TCF12: variants seen among roughly 807,000 people sequenced by gnomAD.
The protein encoded by TCF12 is transcription factor 12.
TCF12 carries 45 observed loss-of-function variants against 86.0 expected under a neutral mutation model. The ratio of observed to expected loss-of-function variants is 0.52; its 90% CI spans 0.41 to 0.67. The LOEUF (loss-of-function observed/expected upper bound fraction) is 0.67, where lower values mean the gene tolerates loss of function less well. Among genes scored for constraint, TCF12 ranks in the 30% least tolerant of loss-of-function variants. The pLI is 0.00. For synonymous variants in TCF12, 330 were observed against 299.6 expected, an observed-to-expected ratio of 1.10 and a Z score of -1.05; for missense variants, 881 against 859.9, an observed-to-expected ratio of 1.02 and a Z score of -0.31.
chr15:57,278,536 TAA>T (rs34981887), intron 19 of TCF12: 22 of 157,164 alleles, frequency 1.4e-4, no homozygotes, highest in South Asian at 3.7e-4. Context: ...GCAATCACTG[TAA>T]AAAAAAAAAT....
chr15:57,133,292 GC>G (rs1438856254), intron 5 of TCF12, among the ~76,000 whole-genome samples: 1 of 152,234 alleles, frequency 6.6e-6, no homozygotes, highest in East Asian at 1.9e-4. Flanking sequence ...TGCTTAGCCT[GC>G]CGTGTAAAGT....
intron 3 of TCF12, among the ~76,000 whole-genome samples, chr15:56,962,607 C>T (rs1055650676): frequency 2.0e-5 from 3 of 152,126 alleles, no homozygotes; most frequent in African/African-American, 2.4e-5. Context: ...CCCAGACCAC[C>T]ACAGTTCAAA....
At chr15:57,001,010 A>T (rs950566521) in intron 3 of TCF12, among the ~76,000 whole-genome samples, 8 of 135,790 alleles carry the variant, frequency 5.9e-5, no homozygotes, top group Non-Finnish European at 9.9e-5. Flanking sequence ...AATTTAAAAA[A>T]AATTTTTTTT....
intron 3 of TCF12, among the ~76,000 whole-genome samples, chr15:56,943,156 A>C (rs192170582): frequency 1.0e-3 from 155 of 152,288 alleles, no homozygotes; most frequent in South Asian, 2.5e-3. Context: ...TATTTTTTAC[A>C]CAATAGGGAA....
chr15:57,218,936 T>C (rs2058450075), intron 8 of TCF12: 1 of 694,440 alleles, frequency 1.4e-6, no homozygotes, highest in African/African-American at 1.9e-5. Context: ...CTCCAGGAAG[T>C]GATTTTGTAC....
chr15:57,247,480 A>C, intron 13 of TCF12: 1 of 740,598 alleles, frequency 1.4e-6, no homozygotes. Flanking sequence ...GCCCATTAAT[A>C]GTGTGGCATT....
At position 57,266,524 on chromosome 15, in the gene TCF12, G is replaced by C. The variant is rs1388506934; in HGVS notation, c.1745+3250G>C. ...TCAGAGCTGAAAATATTTACCATCT[G>C]GTCCTTCAGAAAAAATGTTTCTTTT... On this transcript the variant is annotated intron_variant, in intron 18 of 20. Coordinates refer to ENST00000333725, the MANE Select transcript of TCF12 (RefSeq NM_207037.2). Among the ~76,000 whole-genome samples, 5 of 151,910 alleles carry C rather than the reference G, an allele frequency of 3.3e-5. No homozygotes were observed. In the East Asian group the frequency reaches 9.6e-4, roughly 29 times the overall value.
chr15:57,107,389 G>A (rs1363047209), intron 5 of TCF12, among the ~76,000 whole-genome samples: 1 of 152,096 alleles, frequency 6.6e-6, no homozygotes, highest in Non-Finnish European at 1.5e-5. Context: ...CAAAACAATG[G>A]AGACAGTAAA....
chr15:57,041,662 T>C (rs919543448), intron 3 of TCF12, among the ~76,000 whole-genome samples: 1 of 152,164 alleles, frequency 6.6e-6, no homozygotes, highest in African/African-American at 2.4e-5. Context: ...TTTGCTAGTT[T>C]GCAGGCATCT....
intron 3 of TCF12, among the ~76,000 whole-genome samples, chr15:56,991,001 G>T (rs139487975): frequency 6.6e-6 from 1 of 152,082 alleles, no homozygotes; most frequent in African/African-American, 2.4e-5. Flanking sequence ...TCACCATGTT[G>T]CCCAGGCTGC....
intron 5 of TCF12, among the ~76,000 whole-genome samples, chr15:57,132,166 G>A (rs2703619): frequency 0.023 from 3,499 of 152,072 alleles, 133 homozygotes; most frequent in African/African-American, 0.08. Context: ...AAACAAAACA[G>A]TGTATAATAA....
At chr15:56,986,713 C>A (rs1419548162) in intron 3 of TCF12, among the ~76,000 whole-genome samples, 1 of 152,094 alleles carries the variant, frequency 6.6e-6, no homozygotes, top group South Asian at 2.1e-4. Flanking sequence ...CTTTTAAACA[C>A]AATTTACTAA....
intron 3 of TCF12, among the ~76,000 whole-genome samples, chr15:56,992,780 T>A (rs925395305): frequency 5.3e-5 from 8 of 152,222 alleles, no homozygotes; most frequent in African/African-American, 1.9e-4. Flanking sequence ...TGTGAATTAG[T>A]GCAATTTTGG....
chr15:57,035,916 T>C (rs1454503198), intron 3 of TCF12, among the ~76,000 whole-genome samples: 5 of 152,152 alleles, frequency 3.3e-5, no homozygotes, highest in African/African-American at 1.2e-4. Flanking sequence ...AGCAGCGGCA[T>C]TAGATTCTCA....
chr15:56,920,575 AT>A (rs1239940947), intron 2 of TCF12, among the ~76,000 whole-genome samples: 1 of 151,678 alleles, frequency 6.6e-6, no homozygotes, highest in African/African-American at 2.4e-5. Context: ...CACTGCTTTT[AT>A]TTTTAATGGG....
At chr15:57,007,657 G>A (rs1276744594) in intron 3 of TCF12, among the ~76,000 whole-genome samples, 1 of 149,452 alleles carries the variant, frequency 6.7e-6, no homozygotes, top group African/African-American at 2.5e-5. Flanking sequence ...TGATTTTTTT[G>A]TATAATGAAA....
At chr15:57,248,098 CTTTCT>C (rs1162608619) in intron 13 of TCF12, 1 of 702,460 alleles carries the variant, frequency 1.4e-6, no homozygotes. Context: ...TATCCCATCT[CTTTCT>C]TTTGAGAGTC....
intron 5 of TCF12, among the ~76,000 whole-genome samples, chr15:57,151,156 T>G (rs1280257363): frequency 1.3e-5 from 2 of 149,722 alleles, no homozygotes; most frequent in African/African-American, 4.9e-5. Context: ...TTTTTTTTTT[T>G]TTTTTTTAGA....
chr15:57,197,848 C>T, intron 8 of TCF12, 23 bp downstream of exon 8: 1 of 1,611,922 alleles, frequency 6.2e-7, no homozygotes, highest in Non-Finnish European at 8.5e-7. Context: ...CTTTTTTTAA[C>T]TTGATGGTAA....
Sources: gnomAD v4.1 joint callset for allele counts (sites outside exome capture counted in the v4.1 genomes callset) on GRCh38, gnomAD v4.1.1 for gene constraint, MANE v1.5 for transcripts, NCBI Gene and HGNC (gene_info 2026-07-23, HGNC 2026-07-21) for gene names.